The following DSCAM variants were observed in gnomAD, a reference collection of about 807,000 sequenced individuals.
The protein encoded by DSCAM is DS cell adhesion molecule.
DSCAM carries 47 observed loss-of-function variants against 217.7 expected under a neutral mutation model. The observed-to-expected ratio is 0.22, with a 90% confidence interval of 0.17 to 0.28. The LOEUF is 0.28. Ranked by LOEUF, DSCAM falls within the 10% of genes least tolerant of loss-of-function variation. The pLI is 1.00. For synonymous variants in DSCAM, 1,056 were observed against 1,015.3 expected (o/e 1.04, Z -0.76); for missense variants, 2,080 against 2,618.3 (o/e 0.79, Z 4.49).
At chr21:40,020,249 C>T (rs549778296) in intron 32 of DSCAM, among the ~76,000 whole-genome samples, 16 of 152,272 alleles carry the variant, frequency 1.1e-4, no homozygotes, top group East Asian at 1.9e-4. Flanking sequence ...TGTCACCTTC[C>T]GCCATGATTG....
At chr21:40,316,891 G>A (rs1569059769) in intron 8 of DSCAM, among the ~76,000 whole-genome samples, 1 of 152,120 alleles carries the variant, frequency 6.6e-6, no homozygotes, top group Admixed American at 6.6e-5. Flanking sequence ...CTTCTTCATG[G>A]AGGGAAATGC....
chr21:40,568,397 A>G (rs1015121787), intron 3 of DSCAM, among the ~76,000 whole-genome samples: 8 of 152,194 alleles, frequency 5.3e-5, no homozygotes, highest in Non-Finnish European at 1.2e-4. Flanking sequence ...TGATTATACA[A>G]GCTACCCCAT....
Position 40,189,724 on chromosome 21 carries a change from G to A in DSCAM, c.2357-486C>T, listed in dbSNP as rs9984463. 6.6e-5 allele frequency among the ~76,000 whole-genome samples: 10 copies of A among 152,278 alleles called. No homozygotes were observed. In the South Asian group the frequency reaches 1.7e-3, roughly 25 times the overall value. On this transcript the variant is annotated intron_variant, in intron 11 of 32. Coordinates refer to ENST00000400454, the MANE Select transcript of DSCAM (RefSeq NM_001389.5). ...TAAAAATGGGATTTTCTCTGCACAA[G>A]TGCTCTCTCTTTGCCTGCTGCCAAC...
chr21:40,355,882 G>C (rs1386177551), intron 4 of DSCAM, among the ~76,000 whole-genome samples: 1 of 152,174 alleles, frequency 6.6e-6, no homozygotes, highest in East Asian at 1.9e-4. Flanking sequence ...TGTGAGAAAA[G>C]ACAGTGTTTG....
At chr21:40,583,430 G>A (rs926108193) in intron 3 of DSCAM, among the ~76,000 whole-genome samples, 27 of 152,062 alleles carry the variant, frequency 1.8e-4, no homozygotes, top group African/African-American at 5.3e-4. Context: ...TATGCTTCTC[G>A]GCCTGGTACA....
intron 10 of DSCAM, among the ~76,000 whole-genome samples, chr21:40,279,610 C>T (rs1213071366): frequency 3.9e-5 from 6 of 152,190 alleles, no homozygotes; most frequent in Non-Finnish European, 8.8e-5. Flanking sequence ...TTTGACCCAG[C>T]AATCCCATTA....
At chr21:40,205,887 T>A (rs2146867345) in intron 11 of DSCAM, among the ~76,000 whole-genome samples, 1 of 152,376 alleles carries the variant, frequency 6.6e-6, no homozygotes, top group Non-Finnish European at 1.5e-5. Flanking sequence ...AGAAAGATTG[T>A]TGCACTGCTC....
chr21:40,130,114 T>C (rs889799627), intron 19 of DSCAM, among the ~76,000 whole-genome samples: 1 of 152,206 alleles, frequency 6.6e-6, no homozygotes, highest in African/African-American at 2.4e-5. Flanking sequence ...TATGCAAAGT[T>C]TACTCTTGTG....
chr21:40,419,465 AT>A (rs2075402876), intron 3 of DSCAM, among the ~76,000 whole-genome samples: 1 of 152,146 alleles, frequency 6.6e-6, no homozygotes, highest in Admixed American at 6.5e-5. Flanking sequence ...CAGGTAATTT[AT>A]ACATGAAAAC....
At chr21:40,498,211 G>A (rs902124756) in intron 3 of DSCAM, among the ~76,000 whole-genome samples, 5 of 152,090 alleles carry the variant, frequency 3.3e-5, no homozygotes, top group African/African-American at 9.7e-5. Flanking sequence ...GTTGCCAGGA[G>A]GAATTACTAT....
At chr21:40,726,458 A>G (rs2090956390) in intron 1 of DSCAM, among the ~76,000 whole-genome samples, 1 of 152,150 alleles carries the variant, frequency 6.6e-6, no homozygotes, top group South Asian at 2.1e-4. Flanking sequence ...ATCAAGGTAA[A>G]TCCATATCTA....
intron 20 of DSCAM, among the ~76,000 whole-genome samples, chr21:40,114,192 A>G (rs1457597454): frequency 6.9e-6 from 1 of 145,420 alleles, no homozygotes; most frequent in Non-Finnish European, 1.5e-5. Flanking sequence ...CCAAAACAGC[A>G]TGGTACTGGT....
chr21:40,577,422 C>T (rs1194939514), intron 3 of DSCAM, among the ~76,000 whole-genome samples: 3 of 149,924 alleles, frequency 2.0e-5, no homozygotes, highest in African/African-American at 7.3e-5. Flanking sequence ...GACGGTCACT[C>T]TTTGGGGACC....
chr21:40,504,926 T>A (rs952051559), intron 3 of DSCAM, among the ~76,000 whole-genome samples: 1 of 152,226 alleles, frequency 6.6e-6, no homozygotes, highest in Non-Finnish European at 1.5e-5. Flanking sequence ...GAGTTGACTG[T>A]CATACCAGCT....
intron 9 of DSCAM, among the ~76,000 whole-genome samples, chr21:40,298,690 C>A (rs1354337861): frequency 5.9e-5 from 9 of 152,176 alleles, no homozygotes; most frequent in East Asian, 1.9e-4. Context: ...CAAAATTATT[C>A]TCTGCAGGGT....
At chr21:40,028,898 A>T (rs911283747) in intron 32 of DSCAM, among the ~76,000 whole-genome samples, 1 of 152,026 alleles carries the variant, frequency 6.6e-6, no homozygotes, top group South Asian at 2.1e-4. Context: ...TTCAACAGAT[A>T]AAGGGGTGCT....
chr21:40,366,710 G>A (rs2074836550), intron 4 of DSCAM, among the ~76,000 whole-genome samples: 1 of 151,870 alleles, frequency 6.6e-6, no homozygotes, highest in Admixed American at 6.6e-5. Flanking sequence ...AGTTAATTAG[G>A]AGAAGGTTCC....
At chr21:40,518,646 G>A (rs768748468) in intron 3 of DSCAM, among the ~76,000 whole-genome samples, 7 of 125,596 alleles carry the variant, frequency 5.6e-5, no homozygotes, top group South Asian at 2.5e-4. Context: ...ATATATACAT[G>A]TATATATGTG....
At chr21:40,663,886 T>C (rs6517605) in intron 3 of DSCAM, among the ~76,000 whole-genome samples, 82,486 of 151,972 alleles carry the variant, frequency 0.54, 22,945 homozygotes, top group East Asian at 0.64. Context: ...TTGATTTCTG[T>C]TTGTCACTTG....
Sources: gnomAD v4.1 joint callset for allele counts (sites outside exome capture counted in the v4.1 genomes callset) on GRCh38, gnomAD v4.1.1 for gene constraint, MANE v1.5 for transcripts, NCBI Gene and HGNC (gene_info 2026-07-23, HGNC 2026-07-21) for gene names.